CYSLTR2: variants seen among roughly 807,000 people sequenced by gnomAD.
The protein encoded by CYSLTR2 is cysteinyl leukotriene receptor 2.
For missense variants in CYSLTR2, 398 were observed against 411.9 expected (o/e 0.97, Z 0.29); for synonymous variants, 179 against 160.8 (o/e 1.11, Z -0.86).
chr13:48,695,393 CTCTCTCTCTCTCTT>C (rs1330753414), intron 3 of CYSLTR2, among the ~76,000 whole-genome samples: 1 of 128,684 alleles, frequency 7.8e-6, no homozygotes, highest in Non-Finnish European at 1.6e-5. Flanking sequence ...TTCTTTCTTT[CTCTCTCTCTCTCTT>C]TCTCTCTCTC....
chr13:48,668,268 A>T (rs1339243404), intron 1 of CYSLTR2, among the ~76,000 whole-genome samples: 1 of 151,746 alleles, frequency 6.6e-6, no homozygotes, highest in Non-Finnish European at 1.5e-5. Context: ...GGGAAATGTC[A>T]GTTGCTAAGG....
At position 48,657,625 on chromosome 13, in the gene CYSLTR2, A is replaced by G. The variant is rs545966658; in HGVS notation, c.-266+3608A>G. ...AGAAATTAAAATAATTTAGTCCACCATTATTACCTACATTGTACATTATAT... is the reference window on the plus strand; with the variant it reads ...AGAAATTAAAATAATTTAGTCCACCGTTATTACCTACATTGTACATTATAT... On this transcript the variant is annotated intron_variant, in intron 1 of 4. Coordinates refer to ENST00000682523, the MANE Select transcript of CYSLTR2 (RefSeq NM_001308476.3). Among the ~76,000 whole-genome samples the G allele has an allele frequency of 2.6e-5, 4 of 152,056 alleles. No individual in the cohort carries two copies. In the East Asian group the frequency reaches 7.7e-4, roughly 29 times the overall value.
intron 1 of CYSLTR2, among the ~76,000 whole-genome samples, chr13:48,683,577 C>T (rs552152194): frequency 4.0e-5 from 6 of 151,778 alleles, no homozygotes; most frequent in African/African-American, 1.2e-4. Context: ...TACTTTTTAA[C>T]GGAGTTTTTT....
intron 1 of CYSLTR2, among the ~76,000 whole-genome samples, chr13:48,660,033 T>C (rs1046662138): frequency 5.9e-5 from 9 of 152,200 alleles, no homozygotes; most frequent in Admixed American, 2.0e-4. Context: ...TCAGGGCTCT[T>C]CATATATGAT....
In CYSLTR2 at chr13:48,707,692, C is replaced by G. The variant is rs61735168; in HGVS notation, c.875C>G (p.Ala292Gly). The change falls in exon 5 of 5, where the codon GCC becomes GGC. Residue 292 changes from alanine to glycine, a missense_variant. Physicochemically the swap from Ala to Gly is moderately conservative, Grantham distance 60. Coordinates refer to ENST00000682523, the MANE Select transcript of CYSLTR2 (RefSeq NM_001308476.3). ...CATAAAGCTTTGGTTATCACACTGG[C>G]CTTGGCAGCAGCCAATGCCTGCTTC... Reference protein sequence around the residue: ...RLHKALVITLALAAANACFNP... With the variant: ...RLHKALVITLGLAAANACFNP... 181 of 1,613,828 alleles carry G rather than the reference C, an allele frequency of 1.1e-4. 1 individual carries two copies. The African/African-American group carries it at 2.2e-3, about 19-fold the overall frequency.
rs910405002 is a variant in CYSLTR2 at position 48,709,256 on chromosome 13, A to T, written c.*1398A>T. On this transcript the variant is annotated 3_prime_UTR_variant, in exon 5 of 5. Coordinates refer to ENST00000682523, the MANE Select transcript of CYSLTR2 (RefSeq NM_001308476.3). ...CCTCCCCCTCCTCACTCTCACAAGA[A>T]AACCAAAAGTTTCTCTTCAGAGTTG... The T allele has an allele frequency of 6.0e-6, 1 of 167,084 alleles. No homozygotes were observed. Among genetic ancestry groups the T allele is most frequent in the African/African-American group, 2.4e-5 (1 of 41,458 alleles). 10.4% of individuals were successfully genotyped at this position (167,084 alleles called of 1,614,324 possible). A position where few individuals can be genotyped will look rare whatever the true frequency, so the allele number is the denominator to read the frequency against.
At chr13:48,676,900 T>G (rs1953611770) in intron 1 of CYSLTR2, among the ~76,000 whole-genome samples, 1 of 152,176 alleles carries the variant, frequency 6.6e-6, no homozygotes, top group Non-Finnish European at 1.5e-5. Flanking sequence ...TTGCAAACTA[T>G]AAGACGAAAA....
intron 1 of CYSLTR2, among the ~76,000 whole-genome samples, chr13:48,661,465 G>C (rs1953127057): frequency 6.6e-6 from 1 of 151,460 alleles, no homozygotes; most frequent in Non-Finnish European, 1.5e-5. Flanking sequence ...ATATTTACTA[G>C]TGCCCTGCAA....
Position 48,656,187 on chromosome 13 carries a change from TAC to T in CYSLTR2, c.-266+2171_-266+2172del, listed in dbSNP as rs1324841634. Among the ~76,000 whole-genome samples the T allele has an allele frequency of 3.9e-5, 6 of 152,338 alleles. No individual in the cohort carries two copies. The East Asian group carries it at 9.6e-4, about 24-fold the overall frequency. On this transcript the variant is annotated intron_variant, in intron 1 of 4. Transcript: ENST00000682523. ...GTAATTTTTTTTTACCATGAATGTG[TAC>T]TACTTGTGTAATAAAAATAAATAGA...
At chr13:48,659,508 A>G (rs1157232714) in intron 1 of CYSLTR2, among the ~76,000 whole-genome samples, 2 of 152,212 alleles carry the variant, frequency 1.3e-5, no homozygotes, top group Admixed American at 6.5e-5. Flanking sequence ...TCTTTTCTCT[A>G]AGAATTGAAT....
intron 1 of CYSLTR2, among the ~76,000 whole-genome samples, chr13:48,670,775 C>T (rs984895077): frequency 1.3e-5 from 2 of 152,222 alleles, no homozygotes; most frequent in East Asian, 1.9e-4. Flanking sequence ...TTTTATGGCT[C>T]CATCTGAAAT....
intron 4 of CYSLTR2, among the ~76,000 whole-genome samples, chr13:48,697,849 G>A (rs1388730295): frequency 6.6e-6 from 1 of 152,166 alleles, no homozygotes; most frequent in Non-Finnish European, 1.5e-5. Context: ...GAAAACCACA[G>A]CACAAGAACT....
intron 1 of CYSLTR2, among the ~76,000 whole-genome samples, chr13:48,673,452 T>G (rs960792861): frequency 6.9e-6 from 1 of 143,984 alleles, no homozygotes; most frequent in Non-Finnish European, 1.5e-5. Context: ...TTTTTTTTTT[T>G]TTTTTTGCTT....
chr13:48,674,922 A>G (rs1017252380), intron 1 of CYSLTR2, among the ~76,000 whole-genome samples: 3 of 152,162 alleles, frequency 2.0e-5, no homozygotes, highest in African/African-American at 4.8e-5. Flanking sequence ...GGTCTATTCC[A>G]TACCCCGTTT....
chr13:48,674,104 G>A (rs968300289), intron 1 of CYSLTR2, among the ~76,000 whole-genome samples: 7 of 151,986 alleles, frequency 4.6e-5, no homozygotes, highest in African/African-American at 1.7e-4. Context: ...TGTGTCTTGG[G>A]GTTGCTCTTA....
rs2139013170 is a variant in CYSLTR2, at chr13:48,707,484, C to T, written c.667C>T (p.Leu223=). ...PFFTLSICYL[L]IIRVLLKVEV... ...TTTCACACTCAGCATCTGTTATCTGCTGATCATTCGGGTTCTGTTAAAAGT... is the reference window on the plus strand; with the variant it reads ...TTTCACACTCAGCATCTGTTATCTGTTGATCATTCGGGTTCTGTTAAAAGT... The change falls in exon 5 of 5, where the codon CTG becomes TTG. Residue 223 remains leucine (L), a synonymous_variant. Transcript: ENST00000682523. 1 of 1,613,192 alleles carries T rather than the reference C, an allele frequency of 6.2e-7. No individual in the cohort carries two copies. The highest frequency in any genetic ancestry group is 2.2e-5 in the East Asian group (1 of 44,882).
rs971453770 is a variant in CYSLTR2 at position 48,682,687 on chromosome 13, A to C, written c.-265-8525A>C. 3.9e-5 allele frequency among the ~76,000 whole-genome samples: 6 copies of C among 152,296 alleles called. No homozygotes were observed. The South Asian group carries it at 1.2e-3, about 32-fold the overall frequency. On this transcript the variant is annotated intron_variant, in intron 1 of 4. Coordinates refer to ENST00000682523, the MANE Select transcript of CYSLTR2 (RefSeq NM_001308476.3). ...AAATCAACTTACACCCATAGAACTCATAGGGAACTACACCCACAGAACTAA... is the reference window on the plus strand; with the variant it reads ...AAATCAACTTACACCCATAGAACTCCTAGGGAACTACACCCACAGAACTAA...
rs1392667874 is a variant in CYSLTR2, at chr13:48,701,930, T to A, written c.-1-4887T>A. Among the ~76,000 whole-genome samples, 6 of 152,300 alleles carry A rather than the reference T, an allele frequency of 3.9e-5. No homozygotes were observed. The East Asian group carries it at 1.2e-3, about 29-fold the overall frequency. On this transcript the variant is annotated intron_variant, in intron 4 of 4. Transcript: ENST00000682523. ...TACTGGGCATATACCCAAAGGATTA[T>A]AAATCATGCTACTATAGAGACACAT...
intron 1 of CYSLTR2, among the ~76,000 whole-genome samples, chr13:48,670,621 T>C (rs1267950757): frequency 6.6e-6 from 1 of 152,226 alleles, no homozygotes; most frequent in South Asian, 2.1e-4. Flanking sequence ...GCCTATGTTC[T>C]GTTCCATTGG....
Sources: allele counts gnomAD v4.1 joint callset (sites outside exome capture counted in the v4.1 genomes callset), GRCh38; gene constraint gnomAD v4.1.1; transcripts MANE v1.5; gene names NCBI Gene and HGNC (gene_info 2026-07-23, HGNC 2026-07-21).